Variants in PDE8B observed in about 807,000 individuals in gnomAD.
PDE8B encodes high affinity cAMP-specific and IBMX-insensitive 3',5'-cyclic phosphodiesterase 8B.
In PDE8B, 26 loss-of-function variants were observed where a neutral mutation model predicts 101.3. The observed-to-expected ratio is 0.26, with a 90% CI of 0.19 to 0.36. The LOEUF (loss-of-function observed/expected upper bound fraction) is 0.36. Among genes scored for constraint, PDE8B ranks in the 10% least tolerant of loss-of-function variants. The probability of loss-of-function intolerance (pLI) is 1.00; values close to 1 mark genes in which losing one functional copy is unlikely to be tolerated. For missense variants in PDE8B, 810 were observed against 1,163.1 expected (o/e 0.70, Z 4.42); for synonymous variants, 424 against 429.3 (o/e 0.99, Z 0.15).
the PDE8B span, among the ~76,000 whole-genome samples, chr5:77,130,820 G>A: frequency 6.6e-6 from 1 of 152,176 alleles, no homozygotes; most frequent in Non-Finnish European, 1.5e-5. Flanking sequence ...ATAATTTTAG[G>A]TTTTTGCATT....
chr5:77,176,457 A>G, the PDE8B span, among the ~76,000 whole-genome samples: 1 of 152,228 alleles, frequency 6.6e-6, no homozygotes, highest in Non-Finnish European at 1.5e-5. Flanking sequence ...AAACATTTTA[A>G]GGACATTTCA....
chr5:77,360,433 A>C (rs1441688291), intron 10 of PDE8B, among the ~76,000 whole-genome samples: 1 of 152,232 alleles, frequency 6.6e-6, no homozygotes, highest in African/African-American at 2.4e-5. Context: ...TAGGCCACTT[A>C]TGGGTGTTAG....
chr5:77,141,927 T>C, the PDE8B span: 1 of 152,190 alleles, frequency 6.6e-6, no homozygotes, highest in East Asian at 1.9e-4. Context: ...AAGGAATGGA[T>C]TGTTCCCATA....
intron 10 of PDE8B, among the ~76,000 whole-genome samples, chr5:77,377,633 AC>A (rs1329544277): frequency 6.6e-6 from 1 of 152,128 alleles, no homozygotes; most frequent in Non-Finnish European, 1.5e-5. Flanking sequence ...AAACAGTAAA[AC>A]CTTGTTTATG....
chr5:77,203,659 A>G, the PDE8B span, among the ~76,000 whole-genome samples: 2 of 152,160 alleles, frequency 1.3e-5, no homozygotes, highest in Non-Finnish European at 2.9e-5. Flanking sequence ...TTAAATCCCT[A>G]TATAACCTTC....
chr5:77,149,617 T>C, the PDE8B span, among the ~76,000 whole-genome samples: 3 of 152,228 alleles, frequency 2.0e-5, no homozygotes, highest in Non-Finnish European at 2.9e-5. Flanking sequence ...TTTGAGGCTT[T>C]GTGAATAGAA....
At chr5:77,403,061 TTTCTC>T (rs1261794455) in intron 11 of PDE8B, among the ~76,000 whole-genome samples, 2 of 152,232 alleles carry the variant, frequency 1.3e-5, no homozygotes, top group East Asian at 3.8e-4. Context: ...TATGGTTAAA[TTTCTC>T]TACTCGCTTA....
chr5:77,426,090 G>A (rs1798051820), intron 21 of PDE8B, 194 bp downstream of exon 21: 2 of 641,228 alleles, frequency 3.1e-6, no homozygotes, highest in Non-Finnish European at 2.8e-6. Flanking sequence ...GTGTGCAGAA[G>A]ACTTGATGGA....
intron 10 of PDE8B, among the ~76,000 whole-genome samples, chr5:77,367,748 C>G (rs1235533967): frequency 6.6e-6 from 1 of 152,166 alleles, no homozygotes; most frequent in Admixed American, 6.5e-5. Flanking sequence ...CCAGGATGGT[C>G]TCAATCTCCT....
At chr5:77,245,789 G>C (rs1373415673) in intron 1 of PDE8B, among the ~76,000 whole-genome samples, 1 of 144,156 alleles carries the variant, frequency 6.9e-6, no homozygotes, top group Admixed American at 7.3e-5. Flanking sequence ...ATCAGAATCT[G>C]TGTTCTTACT....
chr5:77,422,986 C>G (rs1222174278), intron 20 of PDE8B, among the ~76,000 whole-genome samples: 1 of 152,134 alleles, frequency 6.6e-6, no homozygotes, highest in Non-Finnish European at 1.5e-5. Context: ...ACATAGTACC[C>G]AATAAGTAGT....
chr5:77,180,967 CGT>C, the PDE8B span, among the ~76,000 whole-genome samples: 34,082 of 147,224 alleles, frequency 0.23, 4,315 homozygotes, highest in South Asian at 0.3. Context: ...GGTGTGTACA[CGT>C]GTGTGTGTGT....
chr5:77,267,150 T>C (rs1215040272), intron 1 of PDE8B, among the ~76,000 whole-genome samples: 1 of 152,006 alleles, frequency 6.6e-6, no homozygotes, highest in East Asian at 1.9e-4. Flanking sequence ...CTCTTAAAAA[T>C]AGCAAGAGGC....
chr5:77,378,098 C>T (rs543194126), intron 10 of PDE8B, among the ~76,000 whole-genome samples: 4 of 151,624 alleles, frequency 2.6e-5, no homozygotes, highest in Admixed American at 6.6e-5. Context: ...AGGTGTTGGT[C>T]GCCATTTACC....
chr5:77,123,772 A>C, the PDE8B span, among the ~76,000 whole-genome samples: 1 of 152,164 alleles, frequency 6.6e-6, no homozygotes, highest in Non-Finnish European at 1.5e-5. Flanking sequence ...CCTGAACACC[A>C]AACTAGTCAG....
chr5:77,233,634 G>GC (rs1754037940), intron 1 of PDE8B, among the ~76,000 whole-genome samples: 1 of 149,304 alleles, frequency 6.7e-6, no homozygotes, highest in East Asian at 2.1e-4. Context: ...CTACCTGACA[G>GC]CCCCCAACCC....
chr5:77,155,170 A>C, the PDE8B span, among the ~76,000 whole-genome samples: 1 of 151,748 alleles, frequency 6.6e-6, no homozygotes, highest in South Asian at 2.1e-4. Context: ...TCTTCTCTCT[A>C]TGTCTGTGCC....
At chr5:77,291,255 C>A (rs564167263) in intron 1 of PDE8B, 1 of 1,612,324 alleles carries the variant, frequency 6.2e-7, no homozygotes, top group Non-Finnish European at 8.5e-7. Context: ...CGCACAGATC[C>A]GAGTTGGGAA....
chr5:77,413,190 C>T lies in PDE8B; in HGVS notation c.1792C>T (p.Arg598Trp), dbSNP rs185733307. ...TTTAAACTGTTCTGAAACCACTCTTCGGGCCTGGTTCCAAGTGATCGAAGC... is the reference window on the plus strand; with the variant it reads ...TTTAAACTGTTCTGAAACCACTCTTTGGGCCTGGTTCCAAGTGATCGAAGC... The part of the protein sequence containing the change: ...EFLNCSETTL[R>W]AWFQVIEANY... Residue 598 changes from arginine to tryptophan, a missense_variant, in exon 17 of 22, where the codon CGG (arginine) becomes TGG (tryptophan). Arg to Trp is a moderately radical substitution (Grantham distance 101). Transcript: ENST00000264917. The T allele has an allele frequency of 8.1e-6, 13 of 1,613,624 alleles. No individual in the cohort carries two copies. The highest frequency in any genetic ancestry group is 2.2e-5 in the East Asian group (1 of 44,894).
Sources: allele counts gnomAD v4.1 joint callset (sites outside exome capture counted in the v4.1 genomes callset), GRCh38; gene constraint gnomAD v4.1.1; transcripts MANE v1.5; gene names NCBI Gene and HGNC (gene_info 2026-07-23, HGNC 2026-07-21).